The following COMMD1 variants were observed in gnomAD, a reference collection of about 807,000 sequenced individuals.
COMMD1 encodes copper metabolism domain containing 1.
A neutral mutation model predicts 17.2 loss-of-function variants in COMMD1; 10 were observed. The observed-to-expected ratio is 0.58, with a 90% CI of 0.36 to 0.99. COMMD1 has a LOEUF of 0.99. COMMD1 is among the 50% of genes least tolerant of loss of function. The pLI, the probability that COMMD1 is intolerant of heterozygous loss-of-function variation, is 0.01. For missense variants in COMMD1, 270 were observed against 231.8 expected (o/e 1.17, Z -1.07); for synonymous variants, 97 against 91.6 (o/e 1.06, Z -0.34).
At chr2:62,092,290 A>G (rs1671853590) in intron 2 of COMMD1, among the ~76,000 whole-genome samples, 1 of 152,214 alleles carries the variant, frequency 6.6e-6, no homozygotes, top group Non-Finnish European at 1.5e-5. Flanking sequence ...GCAATATTCT[A>G]TAGCAAGGAA....
At position 61,939,759 on chromosome 2, in the gene COMMD1, G is replaced by T. The variant is rs559034267; in HGVS notation, c.180+33901G>T. Among the ~76,000 whole-genome samples the T allele has an allele frequency of 2.6e-5, 4 of 152,206 alleles. No individual in the cohort carries two copies. In the South Asian group the frequency reaches 8.3e-4, roughly 32 times the overall value. ...AACTATAAAAAAAATTTTTTGGACCGTTCTTTAACCAGAGCAGCAGCCTTC... is the reference window on the plus strand; with the variant it reads ...AACTATAAAAAAAATTTTTTGGACCTTTCTTTAACCAGAGCAGCAGCCTTC... On this transcript the variant is annotated intron_variant, in intron 1 of 2. Coordinates refer to ENST00000311832, the MANE Select transcript of COMMD1 (RefSeq NM_152516.4).
intron 1 of COMMD1, among the ~76,000 whole-genome samples, chr2:61,969,388 A>G (rs1466370210): frequency 6.6e-6 from 1 of 152,172 alleles, no homozygotes; most frequent in Non-Finnish European, 1.5e-5. Context: ...CTCATTACTA[A>G]CAATAGTCAC....
chr2:62,072,939 T>C (rs7355269), intron 2 of COMMD1, among the ~76,000 whole-genome samples: 20,722 of 152,228 alleles, frequency 0.14, 3,562 homozygotes, highest in African/African-American at 0.4. Flanking sequence ...ATGTCTGGCT[T>C]ACTTGTGGTG....
chr2:61,946,024 C>T (rs1670896061), intron 1 of COMMD1, among the ~76,000 whole-genome samples: 1 of 152,164 alleles, frequency 6.6e-6, no homozygotes, highest in African/African-American at 2.4e-5. Flanking sequence ...CCTTCATGGC[C>T]TGAACCAGTC....
intron 1 of COMMD1, among the ~76,000 whole-genome samples, chr2:61,962,994 C>T (rs1355478786): frequency 1.3e-5 from 2 of 151,760 alleles, no homozygotes; most frequent in African/African-American, 4.8e-5. Flanking sequence ...AACCCCATCT[C>T]TACTAAAAAT....
chr2:61,913,937 TGA>T (rs1239929074), intron 1 of COMMD1, among the ~76,000 whole-genome samples: 2 of 151,954 alleles, frequency 1.3e-5, no homozygotes, highest in African/African-American at 2.4e-5. Context: ...TTTGGGAGGC[TGA>T]AGTGGGCGGA....
At chr2:62,017,414 T>C (rs1321707493) in intron 2 of COMMD1, among the ~76,000 whole-genome samples, 2 of 152,206 alleles carry the variant, frequency 1.3e-5, no homozygotes, top group Admixed American at 6.5e-5. Context: ...ATGCCTCTTA[T>C]GCTAACACTT....
chr2:62,104,951 C>A (rs1436525410), intron 2 of COMMD1, among the ~76,000 whole-genome samples: 1 of 151,796 alleles, frequency 6.6e-6, no homozygotes, highest in Admixed American at 6.6e-5. Flanking sequence ...CATGGAGAAA[C>A]CCCATCTCTA....
intron 2 of COMMD1, among the ~76,000 whole-genome samples, chr2:62,127,758 T>G (rs2104091581): frequency 6.6e-6 from 1 of 152,344 alleles, no homozygotes; most frequent in South Asian, 2.1e-4. Flanking sequence ...GCGTAGTGGC[T>G]CATGTCTGTA....
At chr2:61,893,110 G>A (rs2105154834) in intron 1 of COMMD1, among the ~76,000 whole-genome samples, 1 of 152,050 alleles carries the variant, frequency 6.6e-6, no homozygotes, top group African/African-American at 2.4e-5. Flanking sequence ...CAGGTGATCT[G>A]CCCACCTTGG....
At chr2:61,889,542 TA>T (rs1233151972) in intron 1 of COMMD1, among the ~76,000 whole-genome samples, 1 of 152,166 alleles carries the variant, frequency 6.6e-6, no homozygotes, top group African/African-American at 2.4e-5. Context: ...CGGCTGGATC[TA>T]TCCGCGAGGT....
chr2:62,011,424 G>C (rs1052933201), intron 2 of COMMD1, among the ~76,000 whole-genome samples: 17 of 151,946 alleles, frequency 1.1e-4, no homozygotes, highest in Admixed American at 1.3e-4. Context: ...TTTTCTTCTT[G>C]TTACTTATTA....
intron 2 of COMMD1, among the ~76,000 whole-genome samples, chr2:62,085,706 G>A (rs946421835): frequency 5.3e-5 from 8 of 151,862 alleles, no homozygotes; most frequent in Non-Finnish European, 8.8e-5. Context: ...GAGGCTGGGC[G>A]TGGTGGCTCA....
chr2:62,090,427 C>G (rs897653812), intron 2 of COMMD1, among the ~76,000 whole-genome samples: 1 of 152,132 alleles, frequency 6.6e-6, no homozygotes, highest in Non-Finnish European at 1.5e-5. Flanking sequence ...AATCAGAATC[C>G]AATACATTTA....
At chr2:61,959,112 T>C (rs1038940616) in intron 1 of COMMD1, among the ~76,000 whole-genome samples, 2 of 152,238 alleles carry the variant, frequency 1.3e-5, no homozygotes, top group Non-Finnish European at 2.9e-5. Context: ...CTTAAGAGTG[T>C]TTACATCTCC....
intron 2 of COMMD1, among the ~76,000 whole-genome samples, chr2:62,121,230 C>T (rs971499852): frequency 2.7e-5 from 4 of 150,680 alleles, no homozygotes; most frequent in African/African-American, 4.9e-5. Context: ...ATTAACTGGG[C>T]GTGGTGGCAT....
chr2:62,036,687 T>C (rs1670047849), intron 2 of COMMD1, among the ~76,000 whole-genome samples: 1 of 152,226 alleles, frequency 6.6e-6, no homozygotes, highest in Non-Finnish European at 1.5e-5. Flanking sequence ...GTTCTAATGT[T>C]CGTGATGCTT....
At chr2:61,905,658 G>C, upstream of COMMD1, 1 of 1,526,774 alleles carries the variant, frequency 6.5e-7, no homozygotes, top group Admixed American at 2.0e-5. Flanking sequence ...CAGCTGTTGC[G>C]GGGCGGGGCC....
intron 2 of COMMD1, among the ~76,000 whole-genome samples, chr2:62,071,395 T>C (rs1179079929): frequency 6.6e-6 from 1 of 152,242 alleles, no homozygotes; most frequent in Non-Finnish European, 1.5e-5. Context: ...ACATGCTGTT[T>C]TGTCAGCAAG....
Sources: gnomAD v4.1 joint callset for allele counts (sites outside exome capture counted in the v4.1 genomes callset) on GRCh38, gnomAD v4.1.1 for gene constraint, MANE v1.5 for transcripts, NCBI Gene and HGNC (gene_info 2026-07-23, HGNC 2026-07-21) for gene names.